Variants in PROP1 observed in about 807,000 individuals in gnomAD.
PROP1 encodes the protein homeobox protein prophet of Pit-1.
PROP1 carries 12 observed loss-of-function variants against 22.3 expected under a neutral mutation model. That is an observed-to-expected ratio of 0.54 (90% CI 0.34 to 0.87). The LOEUF (loss-of-function observed/expected upper bound fraction) is 0.87. PROP1 is among the 40% of genes least tolerant of loss of function. The probability of loss-of-function intolerance (pLI) is 0.01; values close to 1 mark genes in which losing one functional copy is unlikely to be tolerated. For missense variants in PROP1, 278 were observed against 295.1 expected, an observed-to-expected ratio of 0.94 and a Z score of 0.43; for synonymous variants, 112 against 116.7, an observed-to-expected ratio of 0.96 and a Z score of 0.26.
chr5:177,996,067 G>C lies in PROP1; in HGVS notation c.-134C>G. The C allele has an allele frequency of 1.3e-6, 1 of 750,788 alleles. No homozygotes were observed. The highest frequency in any genetic ancestry group is 2.3e-6 in the Non-Finnish European group (1 of 428,684). The allele number at this position is 750,788 out of a possible 1,614,324, so 46.5% of individuals were successfully genotyped here. A position where few individuals can be genotyped will look rare whatever the true frequency, so the allele number is the denominator to read the frequency against. ...CCTCTGGGACTCTGTCTCTGAATGT[G>C]TGTGTAGGTGCAGGCAGCTGTCTCT... On this transcript the variant is annotated 5_prime_UTR_variant, in exon 1 of 3. Coordinates refer to ENST00000308304, the MANE Select transcript of PROP1 (RefSeq NM_006261.5).
chr5:177,994,967 C>CCTTCTGGA (rs1353145212), intron 1 of PROP1, among the ~76,000 whole-genome samples: 1 of 152,148 alleles, frequency 6.6e-6, no homozygotes, highest in African/African-American at 2.4e-5. Flanking sequence ...GTACGTTCAC[C>CCTTCTGGA]CTTCTGGACA....
At position 177,995,847 on chromosome 5, in the gene PROP1, A is replaced by G. The variant is rs770408363; in HGVS notation, c.87T>C (p.Thr29=). 1 of 1,613,902 alleles carries G rather than the reference A, an allele frequency of 6.2e-7. No homozygotes were observed. The part of the protein sequence containing the change: ...SNLLPERHPA[T]GTPTTTVDSS... ...CACCCACCGTGGTGGTCGGGGTCCC[A>G]GTGGCCGGGTGTCTCTCAGGCAACA... is the stretch of plus-strand genomic sequence containing the variant. Residue 29 remains threonine (T), a synonymous_variant, in exon 1 of 3, where the codon ACT becomes ACC. Coordinates refer to ENST00000308304, the MANE Select transcript of PROP1 (RefSeq NM_006261.5).
Position 177,992,764 on chromosome 5 carries a change from G to A in PROP1, c.626C>T (p.Pro209Leu). 2 of 1,589,628 alleles carry A rather than the reference G, an allele frequency of 1.3e-6. No homozygotes were observed. The highest frequency in any genetic ancestry group is 1.7e-6 in the Non-Finnish European group (2 of 1,167,882). The change falls in exon 3 of 3, where the codon CCC becomes CTC. Residue 209 changes from proline (P) to leucine (L), a missense_variant. By Grantham distance (98) the Pro-to-Leu change is moderately conservative (BLOSUM62 -3). Transcript: ENST00000308304. ...HPAPAGHLPCPPPPPMLPLSL... is the reference protein window; with the variant it reads ...HPAPAGHLPCLPPPPMLPLSL... ...GAGGGGGAGCATGGGAGGGGGTGGG[G>A]GGCAGGGCAGATGGCCGGCAGGGGC...
rs1215686813 is a variant in PROP1 at position 177,995,858 on chromosome 5, G to A, written c.76C>T (p.His26Tyr). ...GTGGTCGGGGTCCCAGTGGCCGGGT[G>A]TCTCTCAGGCAACAGGTTGCTGCCG... is the stretch of plus-strand genomic sequence containing the variant. Reference protein sequence around the residue: ...RVGSNLLPERHPATGTPTTTV... With the variant: ...RVGSNLLPERYPATGTPTTTV... The change falls in exon 1 of 3, where the codon CAC becomes TAC. Residue 26 changes from histidine to tyrosine, a missense_variant. Physicochemically the swap from His to Tyr is moderately conservative, Grantham distance 83 (BLOSUM62 2). Coordinates refer to ENST00000308304, the MANE Select transcript of PROP1 (RefSeq NM_006261.5). 6 of 1,613,976 alleles carry A rather than the reference G, an allele frequency of 3.7e-6. No individual in the cohort carries two copies. The East Asian group carries it at 1.3e-4, about 36-fold the overall frequency.
At chr5:177,993,656 G>C (rs1005926584) in intron 2 of PROP1, among the ~76,000 whole-genome samples, 2 of 151,978 alleles carry the variant, frequency 1.3e-5, no homozygotes, top group East Asian at 1.9e-4. Flanking sequence ...CCACCTCCCG[G>C]GTTCAAGTGA....
At chr5:177,994,503 T>C (rs1448293588) in intron 1 of PROP1, among the ~76,000 whole-genome samples, 165 bp from the exon 2 acceptor site, 1 of 152,000 alleles carries the variant, frequency 6.6e-6, no homozygotes, top group Non-Finnish European at 1.5e-5. Context: ...AGTGGTGTGA[T>C]CACAGCTCAC....
chr5:177,994,241 C>T lies in PROP1; in HGVS notation c.207G>A (p.Arg69=). 6.2e-7 allele frequency: 1 copy of T among 1,614,016 alleles called. No homozygotes were observed. The highest frequency in any genetic ancestry group is 8.5e-7 in the Non-Finnish European group (1 of 1,179,944). The change falls in exon 2 of 3, where the codon CGG becomes CGA. Residue 69 remains arginine (R), a synonymous_variant. Transcript: ENST00000308304. Reference sequence around the variant, plus strand: ...GGCTGAAGGTGGTGCGGTGGCGGCGCCGGGAGTGCGGGCGGCCCCTCTGTC... The same window carrying T: ...GGCTGAAGGTGGTGCGGTGGCGGCGTCGGGAGTGCGGGCGGCCCCTCTGTC... ...QGGQRGRPHS[R]RRHRTTFSPV... is the part of the protein sequence containing the mutation.
intron 2 of PROP1, among the ~76,000 whole-genome samples, chr5:177,993,252 T>C (rs975071617): frequency 1.3e-5 from 2 of 152,146 alleles, no homozygotes; most frequent in Non-Finnish European, 2.9e-5. Flanking sequence ...ACATGTGCCC[T>C]TTTCTAACAC....
intron 2 of PROP1, 152 bp from the exon 3 acceptor site, chr5:177,993,199 C>T: frequency 1.3e-6 from 1 of 750,950 alleles, no homozygotes; most frequent in Admixed American, 2.0e-5. Flanking sequence ...TGAGCCTGGT[C>T]TGCTGACAAA....
chr5:177,993,781 G>T (rs887737054), intron 2 of PROP1, among the ~76,000 whole-genome samples: 1 of 152,090 alleles, frequency 6.6e-6, no homozygotes, highest in Non-Finnish European at 1.5e-5. Flanking sequence ...TAACCAGGCT[G>T]GTCTCGAACT....
In PROP1 at chr5:177,992,290, G is replaced by A. The variant is rs116225539; in HGVS notation, c.*419C>T. The stretch of plus-strand genomic sequence containing the variant: ...AAAGTCAGTGACTGATTGAGATGGC[G>A]GGGTGGGCAATGGGGAAGGGATGTA... On this transcript the variant is annotated 3_prime_UTR_variant, in exon 3 of 3. Transcript: ENST00000308304. 4,801 of 179,120 alleles carry A rather than the reference G, an allele frequency of 0.027. 173 individuals are homozygous for A. The highest frequency in any genetic ancestry group is 0.17 in the South Asian group (916 of 5,338). 11.1% of individuals were successfully genotyped at this position (179,120 alleles called of 1,614,324 possible). A position where few individuals can be genotyped will look rare whatever the true frequency, so the allele number is the denominator to read the frequency against.
At chr5:177,994,430 G>A (rs1051524242) in intron 1 of PROP1, 92 bp from the exon 2 acceptor site, 8 of 1,040,768 alleles carry the variant, frequency 7.7e-6, no homozygotes, top group African/African-American at 1.6e-5. Flanking sequence ...CGCTCAGTGC[G>A]TCCTGTGCTG....
In PROP1 at chr5:177,996,059, C is replaced by G; in HGVS notation, c.-126G>C. The G allele has an allele frequency of 1.2e-6, 1 of 801,560 alleles. No individual in the cohort carries two copies. Among genetic ancestry groups the G allele is most frequent in the Non-Finnish European group, 2.1e-6 (1 of 471,548 alleles). 49.7% of individuals were successfully genotyped at this position (801,560 alleles called of 1,614,324 possible). A position where few individuals can be genotyped will look rare whatever the true frequency, so the allele number is the denominator to read the frequency against. ...TATGCCACCCTCTGGGACTCTGTCT[C>G]TGAATGTGTGTGTAGGTGCAGGCAG... On this transcript the variant is annotated 5_prime_UTR_variant, in exon 1 of 3. Transcript: ENST00000308304.
chr5:177,994,192 A>C lies in PROP1; in HGVS notation c.256T>G (p.Ser86Ala). The C allele has an allele frequency of 6.2e-7, 1 of 1,613,832 alleles. No homozygotes were observed. The highest frequency in any genetic ancestry group is 8.5e-7 in the Non-Finnish European group (1 of 1,179,926). The change falls in exon 2 of 3, where the codon TCA (serine) becomes GCA (alanine). Residue 86 changes from serine to alanine, a missense_variant. Ser to Ala is a moderately conservative substitution (Grantham distance 99, BLOSUM62 1). Transcript: ENST00000308304. ...GGGTACTGGTTCCTCCCAAAGGCTG[A>C]CTCCAGCTGTTCCAACTGCACTGGG... The part of the protein sequence containing the change: ...FSPVQLEQLE[S>A]AFGRNQYPDI...
chr5:177,994,123 T>C lies in PROP1; in HGVS notation c.325A>G (p.Ser109Gly), dbSNP rs1351122025. ...AGCATCACCTGGATTCGGGCCTCAC[T>C]GAGGCCAGTGTCCCGGGCAAGACTC... ...RESLARDTGL[S>G]EARIQVWFQN... The change falls in exon 2 of 3, where the codon AGT (serine) becomes GGT (glycine). Residue 109 changes from serine to glycine, a missense_variant. By Grantham distance (56) the Ser-to-Gly change is moderately conservative. Transcript: ENST00000308304. 1 of 1,614,148 alleles carries C rather than the reference T, an allele frequency of 6.2e-7. No homozygotes were observed. The highest frequency in any genetic ancestry group is 8.5e-7 in the Non-Finnish European group (1 of 1,179,994).
chr5:177,994,724 G>A (rs2113065707), intron 1 of PROP1, among the ~76,000 whole-genome samples: 1 of 152,218 alleles, frequency 6.6e-6, no homozygotes, highest in East Asian at 1.9e-4. Flanking sequence ...ATAGGCCTGA[G>A]CCACCGCACC....
chr5:177,995,320 T>C (rs987727058), intron 1 of PROP1, among the ~76,000 whole-genome samples: 1 of 151,772 alleles, frequency 6.6e-6, no homozygotes, highest in Non-Finnish European at 1.5e-5. Context: ...CTGAGAGCTG[T>C]TGGGGAGGAG....
rs772198293 is a variant in PROP1, at chr5:177,992,756, G to T, written c.634C>A (p.Pro212Thr). The change falls in exon 3 of 3, where the codon CCT (proline) becomes ACT (threonine). Residue 212 changes from proline (P) to threonine (T), a missense_variant. Pro to Thr is a conservative substitution (Grantham distance 38). Coordinates refer to ENST00000308304, the MANE Select transcript of PROP1 (RefSeq NM_006261.5). ...PAGHLPCPPPPPMLPLSLEPS... is the reference protein window; with the variant it reads ...PAGHLPCPPPTPMLPLSLEPS... ...TCAAGGCTGAGGGGGAGCATGGGAG[G>T]GGGTGGGGGGCAGGGCAGATGGCCG... The T allele has an allele frequency of 1.3e-6, 2 of 1,592,976 alleles. No homozygotes were observed. The highest frequency in any genetic ancestry group is 1.3e-5 in the African/African-American group (1 of 74,642).
chr5:177,995,038 G>A (rs759194638), intron 1 of PROP1, among the ~76,000 whole-genome samples: 31 of 152,170 alleles, frequency 2.0e-4, no homozygotes, highest in Non-Finnish European at 4.0e-4. Context: ...CCTAACAATC[G>A]TCCCAGCTGT....
Sources: gnomAD v4.1 joint callset for allele counts (sites outside exome capture counted in the v4.1 genomes callset) on GRCh38, gnomAD v4.1.1 for gene constraint, MANE v1.5 for transcripts, NCBI Gene and HGNC (gene_info 2026-07-23, HGNC 2026-07-21) for gene names.